The following SAMD12 variants were observed in gnomAD, a reference collection of about 807,000 sequenced individuals.
SAMD12 encodes the protein sterile alpha motif domain containing 12.
In SAMD12, 9 loss-of-function variants were observed where a neutral mutation model predicts 15.0. The observed-to-expected ratio is 0.60, with a 90% CI of 0.36 to 1.05. The LOEUF (loss-of-function observed/expected upper bound fraction) is 1.05. Ranked by LOEUF, SAMD12 falls within the 50% of genes least tolerant of loss-of-function variation. The probability of loss-of-function intolerance (pLI) is 0.01; values close to 1 mark genes in which losing one functional copy is unlikely to be tolerated. For missense variants in SAMD12, 230 were observed against 234.2 expected, an observed-to-expected ratio of 0.98 and a Z score of 0.12; for synonymous variants, 86 against 90.1, an observed-to-expected ratio of 0.96 and a Z score of 0.25.
At position 118,207,624 on chromosome 8, in the gene SAMD12, C is replaced by CT. The variant is rs200846756; in HGVS notation, c.434-9893dup. Among the ~76,000 whole-genome samples, 1,072 of 152,372 alleles carry CT rather than the reference C, an allele frequency of 7.0e-3. 13 individuals are homozygous for CT. The highest frequency in any genetic ancestry group is 0.023 in the African/African-American group (977 of 41,590). On this transcript the variant is annotated intron_variant, in intron 4 of 4. Transcript: ENST00000409003. ...TTCTCTCATTGCTTCTACACCCCAT[C>CT]TCTCTTAGTCACAGAGCACAGAGCC...
At chr8:118,392,601 G>A (rs1438694041) in intron 3 of SAMD12, among the ~76,000 whole-genome samples, 4 of 152,194 alleles carry the variant, frequency 2.6e-5, no homozygotes. Context: ...GTGACCCTGG[G>A]AAATCTTTCT....
intron 3 of SAMD12, among the ~76,000 whole-genome samples, chr8:118,413,630 G>T (rs1821535775): frequency 6.6e-6 from 1 of 151,918 alleles, no homozygotes; most frequent in African/African-American, 2.4e-5. Context: ...TTACTTTTGG[G>T]TTTCATTTCT....
chr8:118,204,578 C>G (rs1350247935), intron 4 of SAMD12, among the ~76,000 whole-genome samples: 1 of 152,018 alleles, frequency 6.6e-6, no homozygotes, highest in Non-Finnish European at 1.5e-5. Context: ...CATGGTGAAA[C>G]CCCATCTCCA....
At chr8:118,178,817 C>T in the SAMD12 span, among the ~76,000 whole-genome samples, 1 of 152,202 alleles carries the variant, frequency 6.6e-6, no homozygotes, top group Non-Finnish European at 1.5e-5. Context: ...ACTGCCACAG[C>T]AGACAAATCC....
At chr8:118,261,886 C>T (rs1452244210) in intron 4 of SAMD12, among the ~76,000 whole-genome samples, 1 of 144,702 alleles carries the variant, frequency 6.9e-6, no homozygotes, top group Non-Finnish European at 1.5e-5. Context: ...AAATTGACAT[C>T]TTTTTTTTTT....
chr8:118,311,083 C>T (rs950325783), intron 4 of SAMD12, among the ~76,000 whole-genome samples: 1 of 152,192 alleles, frequency 6.6e-6, no homozygotes, highest in African/African-American at 2.4e-5. Context: ...TCTCATTTTA[C>T]AAGTACAAAG....
At chr8:118,553,423 A>C (rs201574481) in intron 2 of SAMD12, among the ~76,000 whole-genome samples, 27 of 152,086 alleles carry the variant, frequency 1.8e-4, no homozygotes, top group Non-Finnish European at 1.9e-4. Flanking sequence ...GAAAAACAAG[A>C]AATGGGGAAA....
chr8:118,245,347 A>G (rs1812662974), intron 4 of SAMD12, among the ~76,000 whole-genome samples: 1 of 152,162 alleles, frequency 6.6e-6, no homozygotes, highest in Admixed American at 6.6e-5. Flanking sequence ...TGAAGATGGG[A>G]ATTATGGAAC....
At chr8:118,173,633 CT>C in the SAMD12 span, among the ~76,000 whole-genome samples, 1,375 of 139,316 alleles carry the variant, frequency 9.9e-3, 21 homozygotes, top group African/African-American at 0.033. Context: ...ATATCCATAA[CT>C]TTTTTTTTTT....
intron 3 of SAMD12, among the ~76,000 whole-genome samples, chr8:118,438,340 T>C (rs901504706): frequency 2.0e-5 from 3 of 152,180 alleles, no homozygotes; most frequent in Admixed American, 6.5e-5. Context: ...TTTAGACATA[T>C]CAATGTGGTC....
chr8:118,346,680 A>G (rs749287805), intron 4 of SAMD12, among the ~76,000 whole-genome samples: 2 of 152,222 alleles, frequency 1.3e-5, no homozygotes, highest in Non-Finnish European at 2.9e-5. Context: ...GACTCAGCAT[A>G]TAGTTGTATT....
chr8:118,548,861 C>T (rs1360591483), intron 2 of SAMD12, among the ~76,000 whole-genome samples: 1 of 152,262 alleles, frequency 6.6e-6, no homozygotes, highest in Non-Finnish European at 1.5e-5. Flanking sequence ...AAAAATGGTG[C>T]ACCACGAGAT....
chr8:118,496,006 GAAGATCAA>G (rs2131027026), intron 2 of SAMD12, among the ~76,000 whole-genome samples: 1 of 152,166 alleles, frequency 6.6e-6, no homozygotes, highest in East Asian at 1.9e-4. Context: ...AGCTAACCAG[GAAGATCAA>G]AGATCTCTAT....
At chr8:118,428,488 C>T (rs1822304307) in intron 3 of SAMD12, among the ~76,000 whole-genome samples, 2 of 152,062 alleles carry the variant, frequency 1.3e-5, no homozygotes. Context: ...AACTAAGGTG[C>T]TTCCAGGGAC....
chr8:118,195,318 A>G (rs926411314), exon 5 of SAMD12: 1 of 152,248 alleles, frequency 6.6e-6, no homozygotes, highest in African/African-American at 2.4e-5. Flanking sequence ...AGCACCTGGC[A>G]GTTCTTAGGC....
chr8:118,450,108 A>G (rs184751843), intron 2 of SAMD12, among the ~76,000 whole-genome samples: 226 of 152,342 alleles, frequency 1.5e-3, no homozygotes, highest in African/African-American at 4.2e-3. Flanking sequence ...TTATAAAAGC[A>G]CACTATCCAG....
At chr8:118,197,658 A>T in exon 5 of SAMD12, 1 of 1,483,348 alleles carries the variant, frequency 6.7e-7, no homozygotes, top group Non-Finnish European at 9.4e-7. Flanking sequence ...TGTGAGGAAC[A>T]GGCCATGTTC....
intron 3 of SAMD12, among the ~76,000 whole-genome samples, chr8:118,435,292 ATAT>A (rs1372642772): frequency 6.6e-6 from 1 of 152,188 alleles, no homozygotes; most frequent in Non-Finnish European, 1.5e-5. Context: ...TTATTATGGT[ATAT>A]TATTATTAAT....
At chr8:118,185,808 G>A (rs1819233840), downstream of SAMD12, among the ~76,000 whole-genome samples, 1 of 152,172 alleles carries the variant, frequency 6.6e-6, no homozygotes, top group Non-Finnish European at 1.5e-5. Flanking sequence ...TGTAGTAGCT[G>A]TTTTGTAATT....
Sources: gnomAD v4.1 joint callset for allele counts (sites outside exome capture counted in the v4.1 genomes callset) on GRCh38, gnomAD v4.1.1 for gene constraint, MANE v1.5 for transcripts, NCBI Gene and HGNC (gene_info 2026-07-23, HGNC 2026-07-21) for gene names.